RANBP2: variants seen among roughly 807,000 people sequenced by gnomAD.
RANBP2 encodes the protein RAN binding protein 2, also known as E3 SUMO-protein ligase RanBP2.
In RANBP2, 57 loss-of-function variants were observed where a neutral mutation model predicts 303.6. The ratio of observed to expected loss-of-function variants is 0.19; its 90% CI spans 0.15 to 0.23. RANBP2 has a LOEUF of 0.23. Ranked by LOEUF, RANBP2 falls within the 10% of genes least tolerant of loss-of-function variation. The pLI is 1.00. For synonymous variants in RANBP2, 1,167 were observed against 1,301.5 expected, an observed-to-expected ratio of 0.90 and a Z score of 2.23; for missense variants, 3,138 against 3,780.8, an observed-to-expected ratio of 0.83 and a Z score of 4.46.
At chr2:108,841,596 CT>C in the RANBP2 span, among the ~76,000 whole-genome samples, 1 of 151,936 alleles carries the variant, frequency 6.6e-6, no homozygotes, top group Non-Finnish European at 1.5e-5. Context: ...AAAAATATAT[CT>C]TTTCCCAGTC....
At chr2:108,910,737 C>T in the RANBP2 span, 1 of 1,607,914 alleles carries the variant, frequency 6.2e-7, no homozygotes, top group Non-Finnish European at 8.5e-7. Context: ...CAGAGATGGG[C>T]ACCGTGCACA....
the RANBP2 span, among the ~76,000 whole-genome samples, chr2:109,102,131 C>T: frequency 2.0e-5 from 3 of 151,702 alleles, no homozygotes; most frequent in South Asian, 2.1e-4. Flanking sequence ...GACAGAGTCT[C>T]GCTCTGTCGC....
At chr2:109,129,622 G>A in the RANBP2 span, 1 of 1,490,980 alleles carries the variant, frequency 6.7e-7, no homozygotes, top group Admixed American at 2.2e-5. Context: ...GGACAGGCCA[G>A]GCGAGCGACG....
chr2:108,988,791 C>A, the RANBP2 span, among the ~76,000 whole-genome samples: 4 of 152,204 alleles, frequency 2.6e-5, no homozygotes, highest in Non-Finnish European at 5.9e-5. Context: ...AATCTCAGGT[C>A]TTAGAACTGG....
chr2:109,504,648 G>C, the RANBP2 span: 2 of 152,386 alleles, frequency 1.3e-5, no homozygotes, highest in East Asian at 3.9e-4. Flanking sequence ...TTGTGTCTAC[G>C]TGTTGGGAGG....
intron 23 of RANBP2, among the ~76,000 whole-genome samples, chr2:108,773,552 GT>G (rs915251584): frequency 9.9e-5 from 15 of 152,030 alleles, no homozygotes; most frequent in Admixed American, 7.9e-4. Context: ...GGTATATACT[GT>G]TTATGGATTG....
At chr2:109,523,241 C>T in the RANBP2 span, among the ~76,000 whole-genome samples, 4 of 152,116 alleles carry the variant, frequency 2.6e-5, no homozygotes, top group South Asian at 2.1e-4. Context: ...TATCATGTGG[C>T]GGAGAGGCTG....
At chr2:108,747,967 A>G (rs1696642454) in intron 8 of RANBP2, among the ~76,000 whole-genome samples, 1 of 152,040 alleles carries the variant, frequency 6.6e-6, no homozygotes, top group African/African-American at 2.4e-5. Context: ...ATTTTACCCA[A>G]ACCTCTCAGC....
At chr2:109,632,761 G>A in the RANBP2 span, among the ~76,000 whole-genome samples, 1 of 152,030 alleles carries the variant, frequency 6.6e-6, no homozygotes, top group African/African-American at 2.4e-5. Flanking sequence ...GGAGGTTGCA[G>A]TGAGCCGAGA....
the RANBP2 span, among the ~76,000 whole-genome samples, chr2:109,505,909 G>T: frequency 6.6e-6 from 1 of 152,192 alleles, no homozygotes; most frequent in African/African-American, 2.4e-5. Flanking sequence ...TGTCTGGAGA[G>T]GGTGCCTGGC....
At chr2:109,404,900 C>T in the RANBP2 span, among the ~76,000 whole-genome samples, 1 of 152,140 alleles carries the variant, frequency 6.6e-6, no homozygotes, top group African/African-American at 2.4e-5. Context: ...TGGACAGCAC[C>T]CCTTCCTGAA....
At chr2:109,765,487 A>C in the RANBP2 span, among the ~76,000 whole-genome samples, 2 of 150,296 alleles carry the variant, frequency 1.3e-5, no homozygotes, top group African/African-American at 2.4e-5. Flanking sequence ...ACTTAATAGG[A>C]GAATAAGCCA....
At chr2:108,786,998 G>A (rs1334626673), downstream of RANBP2, 4 of 912,328 alleles carry the variant, frequency 4.4e-6, no homozygotes, top group East Asian at 1.4e-4. Flanking sequence ...CCGGCCTGGG[G>A]GCGCGCAGCG....
the RANBP2 span, among the ~76,000 whole-genome samples, chr2:109,008,620 A>G: frequency 6.6e-6 from 1 of 150,860 alleles, no homozygotes; most frequent in Non-Finnish European, 1.5e-5. Flanking sequence ...ATCCATGGAT[A>G]GGCTGGGTGC....
At chr2:109,307,433 A>T in the RANBP2 span, among the ~76,000 whole-genome samples, 45,948 of 149,450 alleles carry the variant, frequency 0.31, 8,667 homozygotes, top group African/African-American at 0.54. Flanking sequence ...TTTTTTTTTT[A>T]TTATTATACT....
the RANBP2 span, chr2:108,882,726 T>G: frequency 1.3e-5 from 2 of 152,316 alleles, no homozygotes; most frequent in East Asian, 3.9e-4. Context: ...TTCTCAGGCC[T>G]CCTCTTTCTC....
chr2:109,449,904 T>C, the RANBP2 span, among the ~76,000 whole-genome samples: 1 of 152,214 alleles, frequency 6.6e-6, no homozygotes, highest in Non-Finnish European at 1.5e-5. Flanking sequence ...CTCCCTTCAA[T>C]ATGTCATCCT....
rs534853212 is a variant in RANBP2, at chr2:108,752,654, G to A, written c.1756-344G>A. Among the ~76,000 whole-genome samples, 1,170 of 150,438 alleles carry A rather than the reference G, an allele frequency of 7.8e-3. 17 individuals are homozygous for A. Among genetic ancestry groups the A allele is most frequent in the African/African-American group, 0.028 (1,133 of 40,786 alleles). On this transcript the variant is annotated intron_variant, in intron 12 of 28. Transcript: ENST00000283195. ...AAAAAAAAGAAAAAATTAGCCGGGCGTGGTGGCAGGCATCTGTAGTCCCAG... is the reference window on the plus strand; with the variant it reads ...AAAAAAAAGAAAAAATTAGCCGGGCATGGTGGCAGGCATCTGTAGTCCCAG...
chr2:109,154,345 G>T, the RANBP2 span, among the ~76,000 whole-genome samples: 3 of 152,174 alleles, frequency 2.0e-5, no homozygotes, highest in African/African-American at 7.2e-5. Flanking sequence ...CATGGAGGGG[G>T]TGGTTTTGGG....
Sources: gnomAD v4.1 joint callset for allele counts (sites outside exome capture counted in the v4.1 genomes callset) on GRCh38, gnomAD v4.1.1 for gene constraint, MANE v1.5 for transcripts, NCBI Gene and HGNC (gene_info 2026-07-23, HGNC 2026-07-21) for gene names.